RNF216: variants seen among roughly 807,000 people sequenced by gnomAD.
RNF216 encodes E3 ubiquitin-protein ligase RNF216.
A neutral mutation model predicts 110.8 loss-of-function variants in RNF216; 72 were observed. The observed-to-expected ratio is 0.65, with a 90% CI of 0.54 to 0.79. The LOEUF (loss-of-function observed/expected upper bound fraction) is 0.79, where lower values mean the gene tolerates loss of function less well. Among genes scored for constraint, RNF216 ranks in the 30% least tolerant of loss-of-function variants. RNF216 has a pLI of 0.00. For missense variants in RNF216, 1,342 were observed against 1,141.2 expected, an observed-to-expected ratio of 1.18 and a Z score of -2.54; for synonymous variants, 495 against 407.5, an observed-to-expected ratio of 1.21 and a Z score of -2.59.
intron 13 of RNF216, among the ~76,000 whole-genome samples, chr7:5,702,287 G>T (rs1481282107): frequency 6.6e-6 from 1 of 152,174 alleles, no homozygotes; most frequent in African/African-American, 2.4e-5. Context: ...CGGGCCAAGG[G>T]GAGAGGCAGG....
chr7:5,682,330 A>G lies in RNF216; in HGVS notation c.2061+29431T>C, dbSNP rs548482551. Among the ~76,000 whole-genome samples the G allele has an allele frequency of 2.6e-4, 39 of 152,214 alleles. No individual in the cohort carries two copies. The South Asian group carries it at 7.5e-3, about 29-fold the overall frequency. ...CACCCGTCCCTCTAAAAGGGCAGCC[A>G]TGGAGCACATGTTACTACTTAGCTT... On this transcript the variant is annotated intron_variant, in intron 13 of 16. Transcript: ENST00000389902.
At chr7:5,658,425 T>A (rs852515) in intron 13 of RNF216, among the ~76,000 whole-genome samples, 1 of 152,034 alleles carries the variant, frequency 6.6e-6, no homozygotes, top group African/African-American at 2.4e-5. Context: ...GGGAAGCCGA[T>A]GTGGGCAGAT....
chr7:5,655,926 G>A (rs1220762466), intron 13 of RNF216, among the ~76,000 whole-genome samples: 1 of 151,270 alleles, frequency 6.6e-6, no homozygotes, highest in East Asian at 1.9e-4. Flanking sequence ...GTGTGATCTC[G>A]GCTTACTGCA....
intron 14 of RNF216, among the ~76,000 whole-genome samples, chr7:5,642,032 T>TAAAAAAAAAAAAAAAAAA (rs1201078083): frequency 1.0e-5 from 1 of 98,478 alleles, no homozygotes; most frequent in Non-Finnish European, 1.9e-5. Flanking sequence ...GACTCTATCT[T>TAAAAAAAAAAAAAAAAAA]AAAAAAAAAA....
intron 15 of RNF216, among the ~76,000 whole-genome samples, chr7:5,637,361 G>A (rs1288120943): frequency 6.6e-6 from 1 of 152,214 alleles, no homozygotes; most frequent in Non-Finnish European, 1.5e-5. Flanking sequence ...CAGGAGGGCA[G>A]GCTAGCTAAG....
chr7:5,622,680 T>C lies in RNF216; in HGVS notation c.*180A>G, dbSNP rs763651978. 4.7e-6 allele frequency: 3 copies of C among 631,958 alleles called. No homozygotes were observed. The highest frequency in any genetic ancestry group is 2.9e-5 in the Admixed American group (1 of 33,960). 39.1% of individuals were successfully genotyped at this position (631,958 alleles called of 1,614,324 possible). A position where few individuals can be genotyped will look rare whatever the true frequency, so the allele number is the denominator to read the frequency against. On this transcript the variant is annotated 3_prime_UTR_variant, in exon 17 of 17. Transcript: ENST00000389902. ...TCCACCATTTGGGACGTCTTTATTA[T>C]GGATCCGTCCACTCTTCCAGGAGCA...
At chr7:5,653,121 G>A (rs1788498406) in intron 13 of RNF216, among the ~76,000 whole-genome samples, 3 of 152,056 alleles carry the variant, frequency 2.0e-5, no homozygotes. Flanking sequence ...GTTCACCAGG[G>A]GCTCCTAAGG....
chr7:5,776,162 G>C (rs1796763075), intron 1 of RNF216, among the ~76,000 whole-genome samples: 3 of 152,100 alleles, frequency 2.0e-5, no homozygotes, highest in African/African-American at 7.2e-5. Context: ...TGACTGTACT[G>C]CTACAGCATT....
chr7:5,644,778 T>A (rs1425995771), intron 14 of RNF216, among the ~76,000 whole-genome samples: 1 of 152,130 alleles, frequency 6.6e-6, no homozygotes, highest in Non-Finnish European at 1.5e-5. Flanking sequence ...AGTGTTGGGA[T>A]TACATGCATG....
intron 4 of RNF216, 65 bp downstream of exon 4, chr7:5,740,906 GAA>G (rs139686645): frequency 8.4e-4 from 952 of 1,134,282 alleles, no homozygotes; most frequent in Middle Eastern, 1.8e-3. Context: ...TTTTTGCAAT[GAA>G]AAAAAAAAAA....
rs73339992 is a variant in RNF216, at chr7:5,714,085, T to A, written c.1833+968A>T. ...TGGTGCGATCTCAGCTCACTAAGCC[T>A]CCCGAGTAGCTGGATTACAGGCACC... On this transcript the variant is annotated intron_variant, in intron 11 of 16. Coordinates refer to ENST00000389902, the MANE Select transcript of RNF216 (RefSeq NM_207111.4). Among the ~76,000 whole-genome samples the A allele has an allele frequency of 5.7e-3, 861 of 152,080 alleles. 9 individuals are homozygous for A. Among genetic ancestry groups the A allele is most frequent in the African/African-American group, 0.02 (815 of 41,470 alleles).
At chr7:5,638,309 G>T (rs1426973319) in intron 15 of RNF216, among the ~76,000 whole-genome samples, 1 of 152,086 alleles carries the variant, frequency 6.6e-6, no homozygotes. Flanking sequence ...TGTTTTTTGG[G>T]ATATTTAAAT....
At chr7:5,756,676 A>G (rs974927159) in intron 2 of RNF216, among the ~76,000 whole-genome samples, 14 of 152,166 alleles carry the variant, frequency 9.2e-5, no homozygotes, top group African/African-American at 3.4e-4. Context: ...GCTAGAGTAC[A>G]ATAGCATGAA....
At chr7:5,687,394 CAA>C (rs372177142) in intron 13 of RNF216, among the ~76,000 whole-genome samples, 6 of 49,886 alleles carry the variant, frequency 1.2e-4, no homozygotes, top group Middle Eastern at 8.8e-3. Flanking sequence ...AACTCCACCT[CAA>C]AAAAAAAAAA....
chr7:5,722,759 C>T (rs928540779), intron 8 of RNF216, among the ~76,000 whole-genome samples: 15 of 151,740 alleles, frequency 9.9e-5, no homozygotes, highest in Non-Finnish European at 2.1e-4. Context: ...CAGTGACTCA[C>T]GCCTGTAATC....
At chr7:5,666,276 G>T (rs1386237302) in intron 13 of RNF216, among the ~76,000 whole-genome samples, 1 of 152,108 alleles carries the variant, frequency 6.6e-6, no homozygotes, top group African/African-American at 2.4e-5. Context: ...GTTAAGACAT[G>T]ATTGTAAGTG....
intron 16 of RNF216, 75 bp from the exon 17 acceptor site, chr7:5,623,254 G>A: frequency 7.2e-7 from 1 of 1,396,178 alleles, no homozygotes; most frequent in East Asian, 2.3e-5. Context: ...GACCAGGGCA[G>A]CGACCTCTGG....
intron 13 of RNF216, among the ~76,000 whole-genome samples, chr7:5,706,372 A>C (rs1792290558): frequency 6.6e-6 from 1 of 152,202 alleles, no homozygotes; most frequent in African/African-American, 2.4e-5. Context: ...CCCACTGCAC[A>C]GTGACTCCCC....
chr7:5,760,010 A>C lies in RNF216; in HGVS notation c.67+993T>G, dbSNP rs1465826466. On this transcript the variant is annotated intron_variant, in intron 2 of 16. Transcript: ENST00000389902. ...ATCTTTGTAAACACAAAATATTATC[A>C]ATGGGAGAAAACCAGTATAACCTCT... Among the ~76,000 whole-genome samples the C allele has an allele frequency of 1.1e-4, 16 of 152,152 alleles. 1 individual carries two copies. Among genetic ancestry groups the C allele is most frequent in the Admixed American group, 7.9e-4 (12 of 15,262 alleles).
Sources: gnomAD v4.1 joint callset for allele counts (sites outside exome capture counted in the v4.1 genomes callset) on GRCh38, gnomAD v4.1.1 for gene constraint, MANE v1.5 for transcripts, NCBI Gene and HGNC (gene_info 2026-07-23, HGNC 2026-07-21) for gene names.